ST6GALNAC3: variants seen among roughly 807,000 people sequenced by gnomAD.
The protein encoded by ST6GALNAC3 is ST6 N-acetylgalactosaminide alpha-2,6-sialyltransferase 3.
ST6GALNAC3 carries 25 observed loss-of-function variants against 32.7 expected under a neutral mutation model. The ratio of observed to expected loss-of-function variants is 0.76; its 90% CI spans 0.56 to 1.07. The LOEUF is 1.07. Ranked by LOEUF, ST6GALNAC3 falls within the 50% of genes least tolerant of loss-of-function variation. The pLI is 0.00. For missense variants in ST6GALNAC3, 355 were observed against 382.4 expected, an observed-to-expected ratio of 0.93 and a Z score of 0.60; for synonymous variants, 129 against 133.1, an observed-to-expected ratio of 0.97 and a Z score of 0.21.
intron 2 of ST6GALNAC3, among the ~76,000 whole-genome samples, chr1:76,317,373 T>A (rs1318101233): frequency 6.6e-6 from 1 of 152,066 alleles, no homozygotes; most frequent in Non-Finnish European, 1.5e-5. Context: ...CAAAGTAATA[T>A]AGCTGAAATG....
At chr1:76,297,944 G>A (rs78506642) in intron 1 of ST6GALNAC3, among the ~76,000 whole-genome samples, 3 of 151,794 alleles carry the variant, frequency 2.0e-5, no homozygotes, top group Non-Finnish European at 4.4e-5. Flanking sequence ...AAAGTTTCTA[G>A]GGTTGTACAA....
At chr1:76,133,334 C>T (rs944059666) in intron 1 of ST6GALNAC3, among the ~76,000 whole-genome samples, 3 of 152,232 alleles carry the variant, frequency 2.0e-5, no homozygotes, top group African/African-American at 7.2e-5. Flanking sequence ...CAGAGCCTCA[C>T]TGGTTGGAGC....
intron 2 of ST6GALNAC3, among the ~76,000 whole-genome samples, chr1:76,332,760 T>C (rs1647213938): frequency 6.6e-6 from 1 of 152,206 alleles, no homozygotes. Context: ...ACTCATGCTT[T>C]GCCCATTCTG....
intron 1 of ST6GALNAC3, among the ~76,000 whole-genome samples, chr1:76,098,251 G>C (rs1647167267): frequency 6.6e-6 from 1 of 152,182 alleles, no homozygotes; most frequent in South Asian, 2.1e-4. Flanking sequence ...ATAGCAGAAA[G>C]ACATAGAAAG....
At chr1:76,179,368 C>A (rs576238721) in intron 1 of ST6GALNAC3, among the ~76,000 whole-genome samples, 16 of 152,126 alleles carry the variant, frequency 1.1e-4, no homozygotes, top group Non-Finnish European at 2.2e-4. Flanking sequence ...TTTTCACACC[C>A]CATGTTAAAA....
rs112583509 is a variant in ST6GALNAC3, at chr1:76,389,400, A to G, written c.214-22608A>G. ...TGAAGAGTTTTGAAGTTTATTCAAC[A>G]TGGAACAGAAGCCTTGTTGATTTGG... On this transcript the variant is annotated intron_variant, in intron 2 of 4. Transcript: ENST00000328299. 4.7e-3 allele frequency among the ~76,000 whole-genome samples: 712 copies of G among 152,304 alleles called. 7 individuals are homozygous for G. The highest frequency in any genetic ancestry group is 6.9e-3 in the Admixed American group (105 of 15,304).
At chr1:76,547,736 C>G (rs1664382455) in intron 3 of ST6GALNAC3, among the ~76,000 whole-genome samples, 2 of 151,948 alleles carry the variant, frequency 1.3e-5, no homozygotes, top group Admixed American at 1.3e-4. Context: ...TGCCTGTACT[C>G]TCAGCTACTT....
chr1:76,153,815 T>C (rs991571594), intron 1 of ST6GALNAC3, among the ~76,000 whole-genome samples: 4 of 152,182 alleles, frequency 2.6e-5, no homozygotes, highest in Non-Finnish European at 5.9e-5. Context: ...TCTGAGCCCC[T>C]TCCCTTCTCG....
At chr1:76,508,197 A>G (rs890714772) in intron 3 of ST6GALNAC3, among the ~76,000 whole-genome samples, 3 of 152,178 alleles carry the variant, frequency 2.0e-5, no homozygotes, top group Non-Finnish European at 2.9e-5. Flanking sequence ...TTAGATTCTC[A>G]TAAGGAGTGC....
intron 1 of ST6GALNAC3, among the ~76,000 whole-genome samples, chr1:76,139,143 G>A (rs1235511752): frequency 2.0e-5 from 3 of 151,628 alleles, no homozygotes; most frequent in Non-Finnish European, 2.9e-5. Flanking sequence ...GCTGTGAGCC[G>A]AGATCGCGCC....
intron 3 of ST6GALNAC3, among the ~76,000 whole-genome samples, chr1:76,488,598 A>G (rs1047220116): frequency 1.1e-4 from 16 of 152,200 alleles, no homozygotes; most frequent in African/African-American, 3.9e-4. Flanking sequence ...TATTTGTTGA[A>G]TAAATAAATT....
intron 3 of ST6GALNAC3, among the ~76,000 whole-genome samples, chr1:76,430,762 A>T (rs866857834): frequency 1.3e-5 from 2 of 152,040 alleles, no homozygotes; most frequent in Non-Finnish European, 1.5e-5. Context: ...CTGTTTTTTC[A>T]TCTCTCTGTG....
intron 3 of ST6GALNAC3, among the ~76,000 whole-genome samples, chr1:76,488,366 C>T (rs1303479762): frequency 6.6e-6 from 1 of 152,150 alleles, no homozygotes; most frequent in Non-Finnish European, 1.5e-5. Context: ...TCTGAGGCCT[C>T]CCTAGAAGCC....
chr1:76,376,909 G>A lies in ST6GALNAC3; in HGVS notation c.214-35099G>A, dbSNP rs561718718. ...GATTTTGAGTCTATCATTTTGAATA[G>A]TTCTCTTAGTGGTTACTCTAGGTAT... On this transcript the variant is annotated intron_variant, in intron 2 of 4. Transcript: ENST00000328299. 3.3e-5 allele frequency among the ~76,000 whole-genome samples: 5 copies of A among 152,110 alleles called. No homozygotes were observed. In the South Asian group the frequency reaches 1.0e-3, roughly 32 times the overall value.
intron 3 of ST6GALNAC3, among the ~76,000 whole-genome samples, chr1:76,616,367 C>A (rs1188586420): frequency 6.6e-6 from 1 of 152,154 alleles, no homozygotes; most frequent in Non-Finnish European, 1.5e-5. Flanking sequence ...GAATAGCATT[C>A]TACCTTAATG....
At chr1:76,217,154 T>C (rs1655512848) in intron 1 of ST6GALNAC3, among the ~76,000 whole-genome samples, 2 of 152,232 alleles carry the variant, frequency 1.3e-5, no homozygotes, top group Non-Finnish European at 2.9e-5. Context: ...CTTAAACCTC[T>C]TTCTACTTCA....
At chr1:76,407,736 A>T (rs1240991151) in intron 2 of ST6GALNAC3, among the ~76,000 whole-genome samples, 2 of 152,096 alleles carry the variant, frequency 1.3e-5, no homozygotes, top group Non-Finnish European at 2.9e-5. Context: ...AGAATTCAAA[A>T]TTTAGATGTG....
chr1:76,174,769 C>T (rs534651800), intron 1 of ST6GALNAC3, among the ~76,000 whole-genome samples: 71 of 151,342 alleles, frequency 4.7e-4, no homozygotes, highest in African/African-American at 1.5e-3. Flanking sequence ...TGGGTTCAAG[C>T]GATTCTCCTG....
intron 1 of ST6GALNAC3, among the ~76,000 whole-genome samples, chr1:76,116,818 G>T (rs1251754094): frequency 6.6e-6 from 1 of 152,218 alleles, no homozygotes; most frequent in Non-Finnish European, 1.5e-5. Context: ...TGTAATCCCA[G>T]CTACTCAGGA....
Sources: allele counts gnomAD v4.1 joint callset (sites outside exome capture counted in the v4.1 genomes callset), GRCh38; gene constraint gnomAD v4.1.1; transcripts MANE v1.5; gene names NCBI Gene and HGNC (gene_info 2026-07-23, HGNC 2026-07-21).